The following PRKN variants were observed in gnomAD, a reference collection of about 807,000 sequenced individuals.
The protein encoded by PRKN is parkin RBR E3 ubiquitin protein ligase.
Under a neutral mutation model 59.5 loss-of-function variants are expected in PRKN, and 56 were observed. That is an observed-to-expected ratio of 0.94 (90% confidence interval 0.76 to 1.18). The LOEUF (loss-of-function observed/expected upper bound fraction) is 1.18, where lower values mean the gene tolerates loss of function less well. PRKN is among the 50% of genes most tolerant of loss of function. PRKN has a pLI of 0.00. For missense variants in PRKN, 657 were observed against 596.4 expected (o/e 1.10, Z -1.06); for synonymous variants, 250 against 222.1 (o/e 1.13, Z -1.12).
At chr6:162,518,220 A>G (rs1777946511) in intron 1 of PRKN, among the ~76,000 whole-genome samples, 2 of 152,240 alleles carry the variant, frequency 1.3e-5, no homozygotes, top group Non-Finnish European at 2.9e-5. Flanking sequence ...ACAAAATAAT[A>G]GAAAATTAAA....
At chr6:162,495,787 C>A (rs912372907) in intron 1 of PRKN, among the ~76,000 whole-genome samples, 1 of 152,186 alleles carries the variant, frequency 6.6e-6, no homozygotes, top group African/African-American at 2.4e-5. Context: ...CCAGACACAT[C>A]TCCACTGTGC....
chr6:161,809,210 C>A (rs1445412846), intron 6 of PRKN, among the ~76,000 whole-genome samples: 2 of 152,004 alleles, frequency 1.3e-5, no homozygotes, highest in African/African-American at 4.8e-5. Context: ...GTTATAAATA[C>A]CATATTGGGT....
intron 1 of PRKN, among the ~76,000 whole-genome samples, chr6:162,716,811 C>G (rs758421759): frequency 1.3e-5 from 2 of 152,032 alleles, no homozygotes; most frequent in Non-Finnish European, 2.9e-5. Flanking sequence ...CACACACAGA[C>G]TCCTCATGTG....
chr6:161,347,546 T>C lies in PRKN; in HGVS notation c.*2553A>G, dbSNP rs1286653691. The C allele has an allele frequency of 6.6e-6, 1 of 152,148 alleles. No homozygotes were observed. Among genetic ancestry groups the C allele is most frequent in the Non-Finnish European group, 1.5e-5 (1 of 68,020 alleles). The allele number at this position is 152,148 out of a possible 1,614,324, so 9.4% of individuals were successfully genotyped here. ...TATTTTTTGATACATTCATATTTTG[T>C]TACACCCTTCCTGTGCAAATAATAC... On this transcript the variant is annotated 3_prime_UTR_variant, in exon 12 of 12. Coordinates refer to ENST00000366898, the MANE Select transcript of PRKN (RefSeq NM_004562.3).
chr6:161,496,346 A>C (rs1052624053), intron 9 of PRKN, among the ~76,000 whole-genome samples: 13 of 152,234 alleles, frequency 8.5e-5, no homozygotes, highest in African/African-American at 3.1e-4. Flanking sequence ...TTGTGGATGT[A>C]ATTAGTCAAG....
chr6:161,968,113 C>T (rs866651728), intron 6 of PRKN, among the ~76,000 whole-genome samples: 4 of 151,924 alleles, frequency 2.6e-5, no homozygotes, highest in East Asian at 3.9e-4. Context: ...TTCCGCCTCC[C>T]GGGTTCAAGC....
Position 161,498,189 on chromosome 6 carries a change from T to C in PRKN, c.1083+50665A>G, listed in dbSNP as rs1313027219. Among the ~76,000 whole-genome samples, 2 of 152,214 alleles carry C rather than the reference T, an allele frequency of 1.3e-5. No individual in the cohort carries two copies. The highest frequency in any genetic ancestry group is 2.1e-4 in the South Asian group (1 of 4,828). On this transcript the variant is annotated intron_variant, in intron 9 of 11. Coordinates refer to ENST00000366898, the MANE Select transcript of PRKN (RefSeq NM_004562.3). The surrounding 1 kb of genome is among the most constrained non-coding windows in gnomAD (Gnocchi z 4.2). The stretch of plus-strand genomic sequence containing the variant: ...CCTATACTATTCATAATTTAGCTGA[T>C]AGAAACCTCTGCTCACCAAGGGGAT...
At chr6:161,577,265 A>T (rs1781167562) in intron 7 of PRKN, among the ~76,000 whole-genome samples, 1 of 152,238 alleles carries the variant, frequency 6.6e-6, no homozygotes, top group South Asian at 2.1e-4. Flanking sequence ...ATCGAGGCAG[A>T]AAAAGAACTA....
At chr6:162,680,148 T>A (rs1464368678) in intron 1 of PRKN, among the ~76,000 whole-genome samples, 1 of 151,510 alleles carries the variant, frequency 6.6e-6, no homozygotes, top group African/African-American at 2.4e-5. Flanking sequence ...TAGATACATA[T>A]ACACTTAATA....
rs902191649 is a variant in PRKN at position 161,643,766 on chromosome 6, A to G, written c.872-74350T>C. Among the ~76,000 whole-genome samples the G allele has an allele frequency of 3.3e-5, 5 of 152,130 alleles. No individual in the cohort carries two copies. The East Asian group carries it at 7.7e-4, about 23-fold the overall frequency. Reference sequence around the variant, plus strand: ...TATTCTCATTAATCTCTCTCGACCCACTTTTTACTACTAAAACAAGTAAAA... The same window carrying G: ...TATTCTCATTAATCTCTCTCGACCCGCTTTTTACTACTAAAACAAGTAAAA... On this transcript the variant is annotated intron_variant, in intron 7 of 11. Coordinates refer to ENST00000366898, the MANE Select transcript of PRKN (RefSeq NM_004562.3).
intron 7 of PRKN, among the ~76,000 whole-genome samples, chr6:161,597,400 G>T (rs1247856491): frequency 6.6e-6 from 1 of 152,276 alleles, no homozygotes; most frequent in South Asian, 2.1e-4. Flanking sequence ...AAGGATTACT[G>T]GCAACCCAAG....
chr6:161,509,588 A>G (rs1387801730), intron 9 of PRKN, among the ~76,000 whole-genome samples: 3 of 151,382 alleles, frequency 2.0e-5, no homozygotes, highest in East Asian at 2.0e-4. Context: ...GGGGGAAAAA[A>G]AGAAAAAAAG....
At position 161,369,032 on chromosome 6, in the gene PRKN, C is replaced by T. The variant is rs770315157; in HGVS notation, c.1168-8827G>A. ...TGCCACTGCTGCCAGCCCCAGGGAC[C>T]TGGGGGGCAGGAGAAGCAGCTCTAT... is the stretch of plus-strand genomic sequence containing the variant. On this transcript the variant is annotated intron_variant, in intron 10 of 11. Coordinates refer to ENST00000366898, the MANE Select transcript of PRKN (RefSeq NM_004562.3). The surrounding 1 kb of genome is among the most constrained non-coding windows in gnomAD (Gnocchi z 5.8). Among the ~76,000 whole-genome samples, 1 of 152,166 alleles carries T rather than the reference C, an allele frequency of 6.6e-6. No individual in the cohort carries two copies. Among genetic ancestry groups the T allele is most frequent in the African/African-American group, 2.4e-5 (1 of 41,456 alleles).
At chr6:161,783,011 C>T (rs1402819313) in intron 7 of PRKN, among the ~76,000 whole-genome samples, 1 of 152,118 alleles carries the variant, frequency 6.6e-6, no homozygotes, top group Non-Finnish European at 1.5e-5. Context: ...AGGATATACC[C>T]TAATGACAAA....
Position 162,011,465 on chromosome 6 carries a change from TATAATATATAATATATTATAA to T in PRKN, c.619-38069_619-38049del, listed in dbSNP as rs1562459153. Among the ~76,000 whole-genome samples the T allele has an allele frequency of 1.0e-3, 15 of 14,772 alleles. 4 individuals carry two copies. Among genetic ancestry groups the T allele is most frequent in the Admixed American group, 1.7e-3 (1 of 586 alleles). The allele number at this position is 14,772 out of a possible 152,430, so 9.7% of individuals were successfully genotyped here. A position where few individuals can be genotyped will look rare whatever the true frequency, so the allele number is the denominator to read the frequency against. On this transcript the variant is annotated intron_variant, in intron 5 of 11. Transcript: ENST00000366898. ...TATTTATAATATATAATATATATAT[TATAATATATAATATATTATAA>T]TATATATAATATATATTTATTATAT...
chr6:162,147,345 A>G (rs1782074560), intron 4 of PRKN, among the ~76,000 whole-genome samples: 1 of 117,460 alleles, frequency 8.5e-6, no homozygotes, highest in African/African-American at 4.3e-5. Context: ...TCTGTCTCAG[A>G]AAAAAAAAAA....
At chr6:161,896,616 A>G (rs759165630) in intron 6 of PRKN, among the ~76,000 whole-genome samples, 3 of 152,182 alleles carry the variant, frequency 2.0e-5, no homozygotes, top group Non-Finnish European at 2.9e-5. Context: ...GGCATGTAAG[A>G]ACTAATGGCG....
chr6:162,524,037 A>C (rs9356033), intron 1 of PRKN, among the ~76,000 whole-genome samples: 58,491 of 151,846 alleles, frequency 0.39, 11,622 homozygotes, highest in South Asian at 0.57. Context: ...CCCCGTTATA[A>C]CTCAGATGTT....
intron 7 of PRKN, among the ~76,000 whole-genome samples, chr6:161,597,836 G>GCACACACA (rs35750936): frequency 1.3e-5 from 2 of 150,114 alleles, no homozygotes; most frequent in Admixed American, 1.3e-4. Context: ...TCCAGCGTGC[G>GCACACACA]CACACACACA....
Sources: gnomAD v4.1 joint callset for allele counts (sites outside exome capture counted in the v4.1 genomes callset) on GRCh38, gnomAD v4.1.1 for gene constraint, Gnocchi (gnomAD v3.1) non-coding constraint, MANE v1.5 for transcripts, NCBI Gene and HGNC (gene_info 2026-07-23, HGNC 2026-07-21) for gene names.